The following SASH1 variants were observed in gnomAD, a reference collection of about 807,000 sequenced individuals.
SASH1 encodes the protein SAM and SH3 domain-containing protein 1.
In SASH1, 44 loss-of-function variants were observed where a neutral mutation model predicts 125.2. The observed-to-expected ratio is 0.35, with a 90% CI of 0.28 to 0.45. The LOEUF (loss-of-function observed/expected upper bound fraction) is 0.45. Ranked by LOEUF, SASH1 falls within the 20% of genes least tolerant of loss-of-function variation. The pLI, the probability that SASH1 is intolerant of heterozygous loss-of-function variation, is 1.00. For missense variants in SASH1, 1,426 were observed against 1,614.5 expected (o/e 0.88, Z 2.00); for synonymous variants, 639 against 649.1 (o/e 0.98, Z 0.24).
chr6:148,465,628 G>T (rs1300216418), intron 4 of SASH1, among the ~76,000 whole-genome samples: 1 of 151,858 alleles, frequency 6.6e-6, no homozygotes, highest in African/African-American at 2.4e-5. Context: ...CCCTCTGGTG[G>T]CCCCTTACAG....
chr6:148,279,856 G>A (rs771356971), intron 1 of SASH1, among the ~76,000 whole-genome samples: 6 of 151,904 alleles, frequency 3.9e-5, no homozygotes, highest in Admixed American at 6.6e-5. Context: ...GTGTGGTGGT[G>A]CATGCCTGTA....
intron 4 of SASH1, among the ~76,000 whole-genome samples, chr6:148,462,936 A>G (rs1777681978): frequency 6.6e-6 from 1 of 152,120 alleles, no homozygotes; most frequent in South Asian, 2.1e-4. Flanking sequence ...TCTCAGTGAC[A>G]GTCCTATTCT....
the SASH1 span, among the ~76,000 whole-genome samples, chr6:148,233,966 A>G: frequency 7.2e-5 from 11 of 151,982 alleles, no homozygotes; most frequent in Non-Finnish European, 1.2e-4. Context: ...GAGAAAAAGA[A>G]AAAAATACTA....
intron 1 of SASH1, among the ~76,000 whole-genome samples, chr6:148,379,499 T>C (rs1325179949): frequency 2.0e-5 from 3 of 152,116 alleles, no homozygotes; most frequent in Non-Finnish European, 2.9e-5. Context: ...CCATTATATA[T>C]AAAAATGCTG....
At chr6:148,461,675 C>T (rs1777615421) in intron 4 of SASH1, among the ~76,000 whole-genome samples, 1 of 152,180 alleles carries the variant, frequency 6.6e-6, no homozygotes, top group South Asian at 2.1e-4. Context: ...CATCCAAGTC[C>T]TGGCCCTGTG....
chr6:148,369,377 A>G (rs373202378), intron 1 of SASH1, among the ~76,000 whole-genome samples: 1 of 152,220 alleles, frequency 6.6e-6, no homozygotes, highest in Admixed American at 6.5e-5. Context: ...ATGATGCAGG[A>G]AAGTTTTTTG....
At chr6:148,411,099 C>T (rs1463474928) in intron 2 of SASH1, among the ~76,000 whole-genome samples, 1 of 125,864 alleles carries the variant, frequency 7.9e-6, no homozygotes, top group East Asian at 2.6e-4. Flanking sequence ...GCAGAGGTTG[C>T]GGTGAGCTGA....
the SASH1 span, among the ~76,000 whole-genome samples, chr6:148,244,948 G>A: frequency 7.5e-6 from 1 of 133,780 alleles, no homozygotes; most frequent in Non-Finnish European, 1.7e-5. Flanking sequence ...GTGTGTGTGT[G>A]TGTGTGTGTG....
chr6:148,421,138 G>GAAAGAAAGAAAGAAAGA (rs1785048765), intron 2 of SASH1, among the ~76,000 whole-genome samples: 1 of 54,102 alleles, frequency 1.8e-5, no homozygotes, highest in Non-Finnish European at 4.2e-5. Context: ...AGGAAGGAAG[G>GAAAGAAAGAAAGAAAGA]AAGGAAGGAA....
intron 4 of SASH1, among the ~76,000 whole-genome samples, chr6:148,453,595 C>G (rs1050610011): frequency 2.6e-5 from 4 of 152,140 alleles, no homozygotes; most frequent in Non-Finnish European, 4.4e-5. Context: ...CACCCAACTA[C>G]AGGTACAATC....
chr6:148,387,685 T>TC (rs1583066508), intron 1 of SASH1, among the ~76,000 whole-genome samples: 1 of 129,046 alleles, frequency 7.7e-6, no homozygotes, highest in East Asian at 2.1e-4. Context: ...TCTTTCTTTC[T>TC]TTCTTTCGGC....
intron 4 of SASH1, among the ~76,000 whole-genome samples, chr6:148,445,934 A>C (rs1776750227): frequency 6.6e-6 from 1 of 152,116 alleles, no homozygotes; most frequent in Non-Finnish European, 1.5e-5. Context: ...ATATACTAGA[A>C]CAAAAATTAC....
At chr6:148,242,577 T>C in the SASH1 span, among the ~76,000 whole-genome samples, 1 of 152,220 alleles carries the variant, frequency 6.6e-6, no homozygotes, top group African/African-American at 2.4e-5. Flanking sequence ...CACCTCAATG[T>C]TTATCACAGC....
chr6:148,499,048 C>CT (rs1318198412), intron 8 of SASH1, among the ~76,000 whole-genome samples: 20 of 131,816 alleles, frequency 1.5e-4, no homozygotes, highest in East Asian at 4.2e-4. Context: ...TATCAAAATT[C>CT]TTTTTTTTGT....
At chr6:148,471,591 G>C in intron 6 of SASH1, 88 bp downstream of exon 6, 1 of 803,228 alleles carries the variant, frequency 1.2e-6, no homozygotes, top group East Asian at 2.5e-5. Flanking sequence ...GATGCTATAA[G>C]TTAGCGTAAC....
chr6:148,296,789 G>C (rs1459597064), intron 1 of SASH1, among the ~76,000 whole-genome samples: 1 of 152,190 alleles, frequency 6.6e-6, no homozygotes, highest in East Asian at 1.9e-4. Context: ...TCTTCCCCTA[G>C]AGCATTTAAT....
the SASH1 span, among the ~76,000 whole-genome samples, chr6:148,234,421 T>A: frequency 2.7e-3 from 404 of 152,190 alleles, 5 homozygotes; most frequent in Non-Finnish European, 1.6e-3. Flanking sequence ...ATTTGGCTTC[T>A]ATCACTGAGG....
chr6:148,303,664 G>A lies in SASH1; in HGVS notation n.74+31287G>A, dbSNP rs1334882100. On this transcript the variant is annotated intron_variant and non_coding_transcript_variant, in intron 1 of 3. Coordinates refer to the SASH1 transcript ENST00000367469. ...ATACAGAACTTAGCTGGGTGGTGGC[G>A]GGCACCCATAATCCCAACTACTCAG... Among the ~76,000 whole-genome samples the A allele has an allele frequency of 3.3e-5, 5 of 151,548 alleles. 1 individual carries two copies. The highest frequency in any genetic ancestry group is 4.8e-5 in the African/African-American group (2 of 41,244).
chr6:148,229,056 C>T, the SASH1 span, among the ~76,000 whole-genome samples: 2 of 140,526 alleles, frequency 1.4e-5, no homozygotes, highest in African/African-American at 5.5e-5. Context: ...ACCACTTGAA[C>T]CTGGGAGGCA....
Sources: gnomAD v4.1 joint callset for allele counts (sites outside exome capture counted in the v4.1 genomes callset) on GRCh38, gnomAD v4.1.1 for gene constraint, MANE v1.5 for transcripts, NCBI Gene and HGNC (gene_info 2026-07-23, HGNC 2026-07-21) for gene names.